Variants in CLDN18 observed in about 807,000 individuals in gnomAD.
The protein encoded by CLDN18 is claudin-18.
CLDN18 carries 20 observed loss-of-function variants against 25.0 expected under a neutral mutation model. That is an observed-to-expected ratio of 0.80 (90% CI 0.56 to 1.16). CLDN18 has a LOEUF of 1.16. CLDN18 is among the 50% of genes most tolerant of loss of function. CLDN18 has a pLI of 0.00. For synonymous variants in CLDN18, 125 were observed against 135.6 expected, an observed-to-expected ratio of 0.92 and a Z score of 0.54; for missense variants, 297 against 345.4, an observed-to-expected ratio of 0.86 and a Z score of 1.11.
At position 138,010,351 on chromosome 3, in the gene CLDN18, C is replaced by T. The variant is rs1262317010; in HGVS notation, c.126C>T (p.Ser42=). ...TQDLYDNPVT[S]VFQYEGLWRS... is the part of the protein sequence containing the mutation. ...ACCTGTACGACAACCCCGTCACCTCCGTGTTCCAGTACGAAGGGCTCTGGA... is the reference window on the plus strand; with the variant it reads ...ACCTGTACGACAACCCCGTCACCTCTGTGTTCCAGTACGAAGGGCTCTGGA... Residue 42 remains serine, a synonymous_variant, in exon 1 of 5, where the codon TCC becomes TCT. Coordinates refer to ENST00000183605, the MANE Select transcript of CLDN18 (RefSeq NM_016369.4). 6.2e-6 allele frequency: 10 copies of T among 1,614,246 alleles called. No individual in the cohort carries two copies. Among genetic ancestry groups the T allele is most frequent in the Middle Eastern group, 1.6e-4 (1 of 6,062 alleles).
intron 3 of CLDN18, among the ~76,000 whole-genome samples, chr3:138,028,245 A>G (rs769153051): frequency 1.1e-4 from 16 of 152,092 alleles, no homozygotes; most frequent in Non-Finnish European, 1.8e-4. Flanking sequence ...TTGTATTTTT[A>G]GTAGAGACGG....
In CLDN18 at chr3:138,002,937, TAGA is replaced by T. The variant is rs548414744; in HGVS notation, c.220+3854_220+3856del. On this transcript the variant is annotated intron_variant, in intron 1 of 4. Coordinates refer to the CLDN18 transcript ENST00000343735. ...AACAACAACATAGAAATTGTGGCATTAGAAGAAATATTTATTCATTCAACAAAC... is the reference window on the plus strand; with the variant it reads ...AACAACAACATAGAAATTGTGGCATTAGAAATATTTATTCATTCAACAAAC... Among the ~76,000 whole-genome samples the T allele has an allele frequency of 5.0e-3, 766 of 152,298 alleles. 6 individuals are homozygous for T. The highest frequency in any genetic ancestry group is 0.017 in the African/African-American group (710 of 41,558).
At chr3:138,030,482 C>T (rs574327573) in intron 4 of CLDN18, among the ~76,000 whole-genome samples, 2 of 152,338 alleles carry the variant, frequency 1.3e-5, no homozygotes, top group African/African-American at 2.4e-5. Context: ...GTTGTTTGCC[C>T]TCTCTGTGCC....
In CLDN18 at chr3:138,033,322, G is replaced by T. The variant is rs1364341201; in HGVS notation, c.*2181G>T. The T allele has an allele frequency of 6.6e-6, 1 of 152,204 alleles. No homozygotes were observed. The highest frequency in any genetic ancestry group is 2.4e-5 in the African/African-American group (1 of 41,440). The allele number at this position is 152,204 out of a possible 1,614,324, so 9.4% of individuals were successfully genotyped here. A position where few individuals can be genotyped will look rare whatever the true frequency, so the allele number is the denominator to read the frequency against. On this transcript the variant is annotated 3_prime_UTR_variant, in exon 5 of 5. Transcript: ENST00000183605. ...CTAAAGAAAAAAGAAAAGCAAGGAG[G>T]AGGGTTGAGCAATCTAGAGCATGGA...
chr3:138,007,938 C>T (rs951677779), upstream of CLDN18, among the ~76,000 whole-genome samples: 9 of 152,158 alleles, frequency 5.9e-5, no homozygotes, highest in African/African-American at 2.2e-4. Context: ...CACTGTAGAT[C>T]ATGTAACTGT....
At chr3:138,010,472 G>GCCAGGTGAA (rs1942123862) in intron 1 of CLDN18, 27 bp downstream of exon 1, 2 of 1,612,286 alleles carry the variant, frequency 1.2e-6, no homozygotes, top group Non-Finnish European at 8.5e-7. Context: ...CCGGGGTAGA[G>GCCAGGTGAA]CCAGGTGAAC....
At chr3:138,004,863 G>C (rs1333571814) in intron 1 of CLDN18, 1 of 151,574 alleles carries the variant, frequency 6.6e-6, no homozygotes, top group Non-Finnish European at 1.5e-5. Flanking sequence ...TCTAAGCATA[G>C]AAATAGTGGA....
At chr3:138,021,903 C>T (rs901371910) in intron 1 of CLDN18, among the ~76,000 whole-genome samples, 1 of 152,128 alleles carries the variant, frequency 6.6e-6, no homozygotes, top group Non-Finnish European at 1.5e-5. Context: ...TAAGTTAGAA[C>T]CACTTGATTT....
At chr3:138,023,510 G>T in intron 1 of CLDN18, 148 bp from the exon 2 acceptor site, 1 of 641,810 alleles carries the variant, frequency 1.6e-6, no homozygotes, top group Non-Finnish European at 2.6e-6. Context: ...CTTTGACAAT[G>T]GCAAGGTTCA....
rs776146857 is a variant in CLDN18, at chr3:137,999,009, G to A, written c.141G>A (p.Gln47=). The A allele has an allele frequency of 3.1e-6, 5 of 1,614,206 alleles. No homozygotes were observed. The South Asian group carries it at 4.4e-5, about 14-fold the overall frequency. ...CCGTAACAGCTGTTTTCAACTACCAGGGGCTGTGGCGCTCCTGTGTCCGAG... is the reference window on the plus strand; with the variant it reads ...CCGTAACAGCTGTTTTCAACTACCAAGGGCTGTGGCGCTCCTGTGTCCGAG... The change falls in exon 1 of 5, where the codon CAG becomes CAA. Residue 47 remains glutamine (Q), a synonymous_variant. Transcript: ENST00000343735.
At chr3:137,999,627 G>C (rs1941994103) in intron 1 of CLDN18, among the ~76,000 whole-genome samples, 1 of 152,174 alleles carries the variant, frequency 6.6e-6, no homozygotes, top group African/African-American at 2.4e-5. Context: ...ATGGGCCCCT[G>C]CACTGGGGCT....
rs1025411137 is a variant in CLDN18, at chr3:138,032,794, A to G, written c.*1653A>G. 6.6e-6 allele frequency: 1 copy of G among 152,230 alleles called. No individual in the cohort carries two copies. The highest frequency in any genetic ancestry group is 2.4e-5 in the African/African-American group (1 of 41,458). 9.4% of individuals were successfully genotyped at this position (152,230 alleles called of 1,614,324 possible). On this transcript the variant is annotated 3_prime_UTR_variant, in exon 5 of 5. Coordinates refer to ENST00000183605, the MANE Select transcript of CLDN18 (RefSeq NM_016369.4). ...GCTGTTCACTTCTCTGAATTCACCT[A>G]GAGTGGTTGGACCATCAGATGTTTG...
chr3:137,998,839 T>C (rs753507640), exon 1 of CLDN18: 2 of 1,606,574 alleles, frequency 1.2e-6, no homozygotes, highest in Non-Finnish European at 1.7e-6. Flanking sequence ...CCACTTGTCG[T>C]GTGGCTCTGT....
chr3:138,027,724 A>G (rs1030205049), intron 3 of CLDN18, among the ~76,000 whole-genome samples: 5 of 152,188 alleles, frequency 3.3e-5, no homozygotes, highest in African/African-American at 9.7e-5. Flanking sequence ...CAATCACTCA[A>G]CCATCCATAG....
chr3:138,024,802 T>A, intron 3 of CLDN18, 78 bp downstream of exon 3: 1 of 835,892 alleles, frequency 1.2e-6, no homozygotes, highest in South Asian at 1.7e-5. Context: ...ATGCACCTAA[T>A]GTGACTGTCA....
chr3:137,999,766 C>G (rs1373709242), intron 1 of CLDN18, among the ~76,000 whole-genome samples: 1 of 152,124 alleles, frequency 6.6e-6, no homozygotes, highest in African/African-American at 2.4e-5. Flanking sequence ...TGCCGTGCCC[C>G]CTTCTAGGGA....
intron 1 of CLDN18, 22 bp downstream of exon 1, chr3:138,010,467 G>A: frequency 6.2e-7 from 1 of 1,612,594 alleles, no homozygotes. Flanking sequence ...GCACCCCGGG[G>A]TAGAGCCAGG....
upstream of CLDN18, among the ~76,000 whole-genome samples, chr3:138,006,266 T>A (rs972374209): frequency 2.0e-5 from 3 of 152,236 alleles, no homozygotes; most frequent in Non-Finnish European, 4.4e-5. Flanking sequence ...TATATTCATT[T>A]TATTTCTTCC....
intron 1 of CLDN18, among the ~76,000 whole-genome samples, chr3:138,003,554 G>C (rs898214352): frequency 2.0e-5 from 3 of 152,240 alleles, no homozygotes. Context: ...AGTACAATGA[G>C]ATACGTTAAA....
Sources: allele counts gnomAD v4.1 joint callset (sites outside exome capture counted in the v4.1 genomes callset), GRCh38; gene constraint gnomAD v4.1.1; transcripts MANE v1.5; gene names NCBI Gene and HGNC (gene_info 2026-07-23, HGNC 2026-07-21).